The following PGBD5 variants were observed in gnomAD, a reference collection of about 807,000 sequenced individuals.
The protein encoded by PGBD5 is piggyBac transposable element derived 5, also known as piggyBac transposable element-derived protein 5.
In PGBD5, 14 loss-of-function variants were observed where a neutral mutation model predicts 47.9. The observed-to-expected ratio is 0.29, with a 90% CI of 0.19 to 0.46. The LOEUF (loss-of-function observed/expected upper bound fraction) is 0.46, where lower values mean the gene tolerates loss of function less well. Ranked by LOEUF, PGBD5 falls within the 20% of genes least tolerant of loss-of-function variation. The pLI is 1.00. For synonymous variants in PGBD5, 316 were observed against 306.3 expected (o/e 1.03, Z -0.33); for missense variants, 635 against 716.0 (o/e 0.89, Z 1.29).
At position 230,316,797 on chromosome 1, in the gene PGBD5, A is replaced by T. The variant is rs1666958925; in HGVS notation, c.*6628T>A. On this transcript the variant is annotated 3_prime_UTR_variant, in exon 7 of 7. Coordinates refer to ENST00000391860, the MANE Select transcript of PGBD5 (RefSeq NM_001258311.2). ...CTGTGGAAATGAAAGGAATAAACTT[A>T]TTCATGTTTAAGAGCTAGAGCCTTC... 6.6e-6 allele frequency: 1 copy of T among 152,118 alleles called. No homozygotes were observed. 9.4% of individuals were successfully genotyped at this position (152,118 alleles called of 1,614,324 possible).
rs1379742799 is a variant in PGBD5, at chr1:230,318,622, C to T, written c.*4803G>A. The T allele has an allele frequency of 6.6e-6, 1 of 152,244 alleles. No homozygotes were observed. The highest frequency in any genetic ancestry group is 2.4e-5 in the African/African-American group (1 of 41,424). The allele number at this position is 152,244 out of a possible 1,614,324, so 9.4% of individuals were successfully genotyped here. On this transcript the variant is annotated 3_prime_UTR_variant, in exon 7 of 7. Coordinates refer to ENST00000391860, the MANE Select transcript of PGBD5 (RefSeq NM_001258311.2). ...CCACAGCCAAAGCTTGGCAAGCCCT[C>T]GCTTAAGGAAGAGGGACCAGAACCA...
At chr1:230,413,563 G>C (rs1657457247) in intron 1 of PGBD5, among the ~76,000 whole-genome samples, 1 of 152,046 alleles carries the variant, frequency 6.6e-6, no homozygotes, top group Non-Finnish European at 1.5e-5. Context: ...TTATGATTGA[G>C]AGCAGGTATA....
chr1:230,391,969 C>T (rs957097679), intron 1 of PGBD5, among the ~76,000 whole-genome samples: 15 of 152,138 alleles, frequency 9.9e-5, no homozygotes, highest in African/African-American at 2.7e-4. Context: ...TCCTGCTGGG[C>T]GTTTGCTCAT....
chr1:230,365,826 G>C (rs1667821742), intron 1 of PGBD5, among the ~76,000 whole-genome samples: 1 of 152,216 alleles, frequency 6.6e-6, no homozygotes, highest in African/African-American at 2.4e-5. Flanking sequence ...ATGTCATGTG[G>C]ATGAATGACT....
chr1:230,363,586 A>G (rs1209179241), intron 1 of PGBD5, among the ~76,000 whole-genome samples: 1 of 152,096 alleles, frequency 6.6e-6, no homozygotes, highest in Non-Finnish European at 1.5e-5. Flanking sequence ...CATCTCAAAA[A>G]AAAAAAAAGT....
intron 1 of PGBD5, among the ~76,000 whole-genome samples, chr1:230,394,019 A>G (rs946384588): frequency 5.9e-5 from 9 of 151,962 alleles, no homozygotes; most frequent in Non-Finnish European, 8.8e-5. Context: ...CTGGGCTACA[A>G]ATCTTACAGA....
intron 1 of PGBD5, among the ~76,000 whole-genome samples, chr1:230,408,665 G>A (rs1166181242): frequency 6.6e-6 from 1 of 152,008 alleles, no homozygotes; most frequent in Non-Finnish European, 1.5e-5. Context: ...ATATCCACAT[G>A]CAAAAGAAAA....
chr1:230,361,889 G>A (rs181100585), intron 1 of PGBD5, among the ~76,000 whole-genome samples: 1 of 152,358 alleles, frequency 6.6e-6, no homozygotes, highest in East Asian at 1.9e-4. Flanking sequence ...TGGAGGCCTT[G>A]TCTGAGATGG....
chr1:230,315,985 TATAC>T lies in PGBD5; in HGVS notation c.*7436_*7439del, dbSNP rs757262917. The T allele has an allele frequency of 1.4e-4, 20 of 142,922 alleles. 4 individuals carry two copies. The highest frequency in any genetic ancestry group is 2.0e-4 in the African/African-American group (8 of 39,256). 8.9% of individuals were successfully genotyped at this position (142,922 alleles called of 1,614,324 possible). ...ATATGTGTACACATATATGTATGTG[TATAC>T]ATACATAAGTATATGTGTACACATA... On this transcript the variant is annotated 3_prime_UTR_variant, in exon 7 of 7. Coordinates refer to ENST00000391860, the MANE Select transcript of PGBD5 (RefSeq NM_001258311.2).
chr1:230,397,710 GT>G (rs1657035702), intron 1 of PGBD5, among the ~76,000 whole-genome samples: 1 of 152,222 alleles, frequency 6.6e-6, no homozygotes, highest in South Asian at 2.1e-4. Flanking sequence ...ACTTAAGATG[GT>G]GATCTCTTCC....
chr1:230,323,577 A>C lies in PGBD5; in HGVS notation c.1423T>G (p.Phe475Val). The C allele has an allele frequency of 2.5e-6, 4 of 1,614,166 alleles. No individual in the cohort carries two copies. The highest frequency in any genetic ancestry group is 3.4e-6 in the Non-Finnish European group (4 of 1,180,010). Reference sequence around the variant, plus strand: ...ATGGCGATGCTGATGGCGAACCAGAACACCTGCTGCCAGGTCTTGTTTGGT... The same window carrying C: ...ATGGCGATGCTGATGGCGAACCAGACCACCTGCTGCCAGGTCTTGTTTGGT... The part of the protein sequence containing the change: ...HKPNKTWQQV[F>V]WFAISIAINN... Residue 475 changes from phenylalanine to valine, a missense_variant, in exon 7 of 7, where the codon TTC becomes GTC. Coordinates refer to ENST00000391860, the MANE Select transcript of PGBD5 (RefSeq NM_001258311.2). The surrounding 1 kb of genome is among the most constrained non-coding windows in gnomAD (Gnocchi z 4.1).
At chr1:230,382,257 G>C (rs962194818) in intron 1 of PGBD5, among the ~76,000 whole-genome samples, 1 of 151,982 alleles carries the variant, frequency 6.6e-6, no homozygotes, top group Admixed American at 6.6e-5. Context: ...CTAATGATTT[G>C]TTCCTCTACC....
intron 1 of PGBD5, chr1:230,362,344 G>A (rs528021265): frequency 7.2e-5 from 98 of 1,367,354 alleles, no homozygotes; most frequent in East Asian, 1.4e-4. Context: ...CGGCCGAGGC[G>A]TCGACTCCAT....
intron 2 of PGBD5, among the ~76,000 whole-genome samples, chr1:230,355,371 A>T (rs1424254402): frequency 6.6e-6 from 1 of 152,176 alleles, no homozygotes; most frequent in Non-Finnish European, 1.5e-5. Flanking sequence ...CACTGCAGAT[A>T]CCTCTTGAGA....
intron 1 of PGBD5, among the ~76,000 whole-genome samples, chr1:230,410,458 A>G (rs1208758866): frequency 6.6e-6 from 1 of 152,228 alleles, no homozygotes; most frequent in Non-Finnish European, 1.5e-5. Flanking sequence ...AACCTTTGCA[A>G]ACCTTTAAAA....
At chr1:230,368,042 A>G (rs1185259460) in intron 1 of PGBD5, 1 of 1,367,778 alleles carries the variant, frequency 7.3e-7, no homozygotes, top group African/African-American at 1.5e-5. Context: ...GCAGGAATGA[A>G]TACTCCCTGG....
rs541291749 is a variant in PGBD5 at position 230,406,165 on chromosome 1, G to A, written c.331+19433C>T. The stretch of plus-strand genomic sequence containing the variant: ...CTACTAAAAATACAAAAAATTAGCC[G>A]GGCATGGTGGCGGGCGCCTGTAGTC... On this transcript the variant is annotated intron_variant, in intron 1 of 6. Transcript: ENST00000391860. Among the ~76,000 whole-genome samples the A allele has an allele frequency of 1.2e-3, 177 of 151,876 alleles. 1 individual carries two copies. Among genetic ancestry groups the A allele is most frequent in the African/African-American group, 4.0e-3 (165 of 41,432 alleles).
intron 2 of PGBD5, among the ~76,000 whole-genome samples, chr1:230,355,101 C>A (rs115570011): frequency 6.6e-6 from 1 of 152,172 alleles, no homozygotes; most frequent in East Asian, 1.9e-4. Flanking sequence ...GATCATCCTT[C>A]TAGGCTCTCC....
At chr1:230,365,019 C>CA (rs879775744) in intron 1 of PGBD5, among the ~76,000 whole-genome samples, 1,182 of 100,146 alleles carry the variant, frequency 0.012, 12 homozygotes, top group African/African-American at 0.037. Context: ...GACTCCATCT[C>CA]AAAAAAAAAA....
Sources: allele counts gnomAD v4.1 joint callset (sites outside exome capture counted in the v4.1 genomes callset), GRCh38; gene constraint gnomAD v4.1.1; non-coding constraint Gnocchi (gnomAD v3.1); transcripts MANE v1.5; gene names NCBI Gene and HGNC (gene_info 2026-07-23, HGNC 2026-07-21).